The following WRAP73 variants were observed in gnomAD, a reference collection of about 807,000 sequenced individuals.
WRAP73 encodes WD repeat containing, antisense to TP73.
WRAP73 carries 55 observed loss-of-function variants against 59.6 expected under a neutral mutation model. The observed-to-expected ratio is 0.92, with a 90% confidence interval of 0.74 to 1.15. The LOEUF (loss-of-function observed/expected upper bound fraction) is 1.15, where lower values mean the gene tolerates loss of function less well. WRAP73 is among the 50% of genes most tolerant of loss of function. The probability of loss-of-function intolerance (pLI) is 0.00; values close to 1 mark genes in which losing one functional copy is unlikely to be tolerated. For synonymous variants in WRAP73, 265 were observed against 258.2 expected (o/e 1.03, Z -0.25); for missense variants, 592 against 608.1 (o/e 0.97, Z 0.28).
intron 5 of WRAP73, chr1:3,636,522 G>C (rs1644590765): frequency 3.0e-6 from 1 of 330,004 alleles, no homozygotes; most frequent in South Asian, 2.5e-5. Context: ...GCACTGCCTG[G>C]ATCCCGGGTT....
At position 3,630,995 on chromosome 1, in the gene WRAP73, G is replaced by C; in HGVS notation, c.1363C>G (p.Gln455Glu). 7 of 1,612,976 alleles carry C rather than the reference G, an allele frequency of 4.3e-6. No individual in the cohort carries two copies. The highest frequency in any genetic ancestry group is 5.9e-6 in the Non-Finnish European group (7 of 1,179,946). The part of the protein sequence containing the change: ...TEAVVGTACR[Q>E]LGGHT ...CGCTGCTACGTGTGGCCGCCCAGCT[G>C]TCTGCAGGCTGTGCCGACCACTGCC... The change falls in exon 12 of 12, where the codon CAG becomes GAG. Residue 455 changes from glutamine (Q) to glutamate (E), a missense_variant. Coordinates refer to ENST00000270708, the MANE Select transcript of WRAP73 (RefSeq NM_017818.4).
intron 5 of WRAP73, 43 bp downstream of exon 5, chr1:3,636,952 C>T: frequency 6.3e-7 from 1 of 1,583,838 alleles, no homozygotes; most frequent in Non-Finnish European, 8.7e-7. Flanking sequence ...GATCCCTCCA[C>T]AGTCAGCAGG....
At chr1:3,643,191 G>A (rs1644662975) in intron 3 of WRAP73, among the ~76,000 whole-genome samples, 1 of 152,224 alleles carries the variant, frequency 6.6e-6, no homozygotes, top group South Asian at 2.1e-4. Context: ...AGCAGTGACG[G>A]GGAACAGCAA....
intron 3 of WRAP73, among the ~76,000 whole-genome samples, chr1:3,641,304 G>A (rs980524571): frequency 2.8e-4 from 43 of 152,144 alleles, no homozygotes; most frequent in Non-Finnish European, 8.8e-5. Context: ...CTCAGGGTGA[G>A]AGGAATGGGC....
intron 9 of WRAP73, chr1:3,632,790 T>A (rs1027151390): frequency 4.0e-6 from 1 of 251,528 alleles, no homozygotes; most frequent in African/African-American, 2.3e-5. Context: ...AGGACGCCCC[T>A]GGGCTCCTGG....
chr1:3,645,503 C>T (rs1297087172), intron 3 of WRAP73, among the ~76,000 whole-genome samples: 3 of 148,550 alleles, frequency 2.0e-5, no homozygotes, highest in African/African-American at 4.9e-5. Context: ...CGCGGCGCAG[C>T]GGGATGGGCG....
intron 11 of WRAP73, 91 bp from the exon 12 acceptor site, chr1:3,631,208 G>T (rs1401757965): frequency 1.3e-6 from 2 of 1,568,278 alleles, no homozygotes; most frequent in East Asian, 2.2e-5. Context: ...CCAGCACAGT[G>T]CCTGGAGTGA....
chr1:3,631,120 A>G lies in WRAP73; in HGVS notation c.1241-3T>C. 2 of 1,613,144 alleles carry G rather than the reference A, an allele frequency of 1.2e-6. No individual in the cohort carries two copies. Among genetic ancestry groups the G allele is most frequent in the South Asian group, 1.1e-5 (1 of 91,084 alleles). On this transcript the variant is annotated splice_polypyrimidine_tract_variant and splice_region_variant and intron_variant, in intron 11 of 11. Coordinates refer to ENST00000270708, the MANE Select transcript of WRAP73 (RefSeq NM_017818.4). ...CAGAGAGAGCACTGCAAAGTCGCCTAGAGAGAGACAGGTGGCCAGAGGATT... is the reference window on the plus strand; with the variant it reads ...CAGAGAGAGCACTGCAAAGTCGCCTGGAGAGAGACAGGTGGCCAGAGGATT...
At chr1:3,631,378 A>G (rs1644530911) in intron 11 of WRAP73, 88 bp downstream of exon 11, 1 of 1,483,634 alleles carries the variant, frequency 6.7e-7, no homozygotes, top group South Asian at 1.2e-5. Flanking sequence ...TGCCGGAGAC[A>G]GCAGCTGGGC....
intron 6 of WRAP73, chr1:3,635,502 A>G: frequency 1.5e-6 from 1 of 659,806 alleles, no homozygotes; most frequent in Non-Finnish European, 2.5e-6. Flanking sequence ...GGAAATTGGG[A>G]GGTCAACCTA....
At position 3,650,059 on chromosome 1, in the gene WRAP73, G is replaced by C. The variant is rs1023765189; in HGVS notation, c.-60C>G. On this transcript the variant is annotated 5_prime_UTR_variant, in exon 1 of 12. Coordinates refer to ENST00000270708, the MANE Select transcript of WRAP73 (RefSeq NM_017818.4). ...GAAAACCCGCGGGACCCCTGGGCGCGCAGCAGGCTGCAACAGCCGACGCCG... is the reference window on the plus strand; with the variant it reads ...GAAAACCCGCGGGACCCCTGGGCGCCCAGCAGGCTGCAACAGCCGACGCCG... 1.4e-6 allele frequency: 2 copies of C among 1,472,652 alleles called. No homozygotes were observed. Among genetic ancestry groups the C allele is most frequent in the Admixed American group, 2.3e-5 (1 of 43,238 alleles). 91.2% of individuals were successfully genotyped at this position (1,472,652 alleles called of 1,614,324 possible). A position where few individuals can be genotyped will look rare whatever the true frequency, so the allele number is the denominator to read the frequency against.
chr1:3,636,325 G>C (rs1570297943), intron 5 of WRAP73: 2 of 411,718 alleles, frequency 4.9e-6, no homozygotes, highest in African/African-American at 4.2e-5. Flanking sequence ...AGCCCCCGAG[G>C]GCGGCTTGGT....
chr1:3,633,104 C>G, intron 9 of WRAP73: 1 of 374,008 alleles, frequency 2.7e-6, no homozygotes, highest in African/African-American at 2.1e-5. Context: ...AAAAGTGTTT[C>G]TTTGAAAAAC....
intron 9 of WRAP73, chr1:3,633,151 G>C: frequency 2.1e-6 from 1 of 468,144 alleles, no homozygotes; most frequent in South Asian, 2.4e-5. Flanking sequence ...TCCCCTCGGA[G>C]CTCCCGCTGT....
rs114697698 is a variant in WRAP73, at chr1:3,638,787, G to A, written c.375C>T (p.Ser125=). 13 of 1,614,118 alleles carry A rather than the reference G, an allele frequency of 8.1e-6. No homozygotes were observed. Among genetic ancestry groups the A allele is most frequent in the East Asian group, 2.2e-5 (1 of 44,884 alleles). The change falls in exon 4 of 12, where the codon TCC becomes TCT. Residue 125 remains serine, a synonymous_variant. Transcript: ENST00000270708. Reference sequence around the variant, plus strand: ...CTTTCGGGTATTTGATGTAAGACACGGATTTTGTGCACAAGGACCAGACGG... The same window carrying A: ...CTTTCGGGTATTTGATGTAAGACACAGATTTTGTGCACAAGGACCAGACGG... ...RITVWSLCTK[S]VSYIKYPKAC...
At position 3,645,319 on chromosome 1, in the gene WRAP73, G is replaced by A. The variant is rs866270456; in HGVS notation, c.339+1347C>T. ...CGTGGTGTGCGCGGCGCAGCGGGACGGGAGGGCTGCAGTGTGGTGTGAGCG... is the reference window on the plus strand; with the variant it reads ...CGTGGTGTGCGCGGCGCAGCGGGACAGGAGGGCTGCAGTGTGGTGTGAGCG... On this transcript the variant is annotated intron_variant, in intron 3 of 11. Coordinates refer to ENST00000270708, the MANE Select transcript of WRAP73 (RefSeq NM_017818.4). Among the ~76,000 whole-genome samples, 21 of 152,200 alleles carry A rather than the reference G, an allele frequency of 1.4e-4. 1 individual carries two copies. The highest frequency in any genetic ancestry group is 3.9e-4 in the Admixed American group (6 of 15,290).
At chr1:3,649,847 C>T (rs1224617753) in intron 1 of WRAP73, 84 bp downstream of exon 1, 1 of 1,464,356 alleles carries the variant, frequency 6.8e-7, no homozygotes, top group African/African-American at 1.5e-5. Flanking sequence ...GCTGCCTCCA[C>T]CCACGCGGCC....
chr1:3,647,309 C>T (rs1010663866), intron 2 of WRAP73, 99 bp downstream of exon 2: 40 of 1,312,630 alleles, frequency 3.0e-5, no homozygotes, highest in Non-Finnish European at 3.7e-5. Flanking sequence ...TTGAGCTGCA[C>T]GGACTTTTTT....
chr1:3,632,373 C>T, intron 9 of WRAP73, 35 bp from the exon 10 acceptor site: 2 of 1,613,878 alleles, frequency 1.2e-6, no homozygotes, highest in Non-Finnish European at 8.5e-7. Context: ...GCCATTGTCA[C>T]CCTTTCGGGA....
Sources: gnomAD v4.1 joint callset for allele counts (sites outside exome capture counted in the v4.1 genomes callset) on GRCh38, gnomAD v4.1.1 for gene constraint, MANE v1.5 for transcripts, NCBI Gene and HGNC (gene_info 2026-07-23, HGNC 2026-07-21) for gene names.